The following VPS35L variants were observed in gnomAD, a reference collection of about 807,000 sequenced individuals.
The protein encoded by VPS35L is VPS35 endosomal protein sorting factor like.
In VPS35L, 83 loss-of-function variants were observed where a neutral mutation model predicts 133.0. That is an observed-to-expected ratio of 0.62 (90% CI 0.52 to 0.75). The LOEUF is 0.75. Among genes scored for constraint, VPS35L ranks in the 30% least tolerant of loss-of-function variants. VPS35L has a pLI of 0.00. For missense variants in VPS35L, 1,083 were observed against 1,206.8 expected, an observed-to-expected ratio of 0.90 and a Z score of 1.52; for synonymous variants, 423 against 449.9, an observed-to-expected ratio of 0.94 and a Z score of 0.76.
At chr16:19,600,452 T>C (rs761355470) in intron 8 of VPS35L, among the ~76,000 whole-genome samples, 2 of 152,178 alleles carry the variant, frequency 1.3e-5, no homozygotes, top group Admixed American at 1.3e-4. Flanking sequence ...TGTAGAGTTT[T>C]ATTGGAACGC....
intron 7 of VPS35L, among the ~76,000 whole-genome samples, chr16:19,584,890 G>A (rs1196771387): frequency 6.6e-6 from 1 of 151,974 alleles, no homozygotes; most frequent in Non-Finnish European, 1.5e-5. Flanking sequence ...TCATTTTCAT[G>A]TGGTTTTCAT....
intron 9 of VPS35L, among the ~76,000 whole-genome samples, chr16:19,602,340 A>G (rs1293465124): frequency 6.6e-6 from 1 of 152,090 alleles, no homozygotes; most frequent in East Asian, 1.9e-4. Context: ...CTATGAGGAA[A>G]CGTTCTCATC....
At chr16:19,559,716 A>AT (rs976723890) in intron 1 of VPS35L, among the ~76,000 whole-genome samples, 129 of 148,152 alleles carry the variant, frequency 8.7e-4, no homozygotes, top group African/African-American at 1.6e-3. Context: ...CACAAGCAGT[A>AT]TTTTTTTTTT....
At chr16:19,653,766 C>G (rs1397636344) in intron 26 of VPS35L, among the ~76,000 whole-genome samples, 1 of 152,218 alleles carries the variant, frequency 6.6e-6, no homozygotes, top group African/African-American at 2.4e-5. Flanking sequence ...GATCACTTCT[C>G]CATTCTTTGA....
At chr16:19,619,265 A>G (rs1973000076) in intron 14 of VPS35L, among the ~76,000 whole-genome samples, 1 of 152,136 alleles carries the variant, frequency 6.6e-6, no homozygotes, top group Admixed American at 6.6e-5. Flanking sequence ...TTCAACAAGT[A>G]TGCACTGCTT....
At chr16:19,615,369 G>GC (rs146640580) in intron 12 of VPS35L, among the ~76,000 whole-genome samples, 5,182 of 152,268 alleles carry the variant, frequency 0.034, 124 homozygotes, top group Non-Finnish European at 0.054. Flanking sequence ...AAGAAATCAG[G>GC]CTGGGCGTGG....
At chr16:19,587,806 T>G (rs2151524004) in intron 7 of VPS35L, among the ~76,000 whole-genome samples, 1 of 149,286 alleles carries the variant, frequency 6.7e-6, no homozygotes, top group South Asian at 2.1e-4. Context: ...TCTTTTTTTT[T>G]TTTTTTTTTT....
In VPS35L at chr16:19,565,010, C is replaced by G. The variant is rs941286148; in HGVS notation, c.117+60C>G. 4.6e-6 allele frequency: 6 copies of G among 1,308,396 alleles called. No individual in the cohort carries two copies. In the African/African-American group the frequency reaches 7.5e-5, roughly 16 times the overall value. The allele number at this position is 1,308,396 out of a possible 1,614,324, so 81.0% of individuals were successfully genotyped here. On this transcript the variant is annotated intron_variant, in intron 2 of 30. Transcript: ENST00000417362. ...CTTATCCCTTGAAATGAAAGACAATCTTCCTGAGTCTTTTCCGTTTTGCCA... is the reference window on the plus strand; with the variant it reads ...CTTATCCCTTGAAATGAAAGACAATGTTCCTGAGTCTTTTCCGTTTTGCCA...
In VPS35L at chr16:19,658,145, G is replaced by A. The variant is rs191283097; in HGVS notation, c.2221+6055G>A. The stretch of plus-strand genomic sequence containing the variant: ...TATAATAGTTAAATTATAACCTGCA[G>A]TTTCTTCCTCCTGTCAGTATTTTCT... On this transcript the variant is annotated intron_variant, in intron 26 of 30. Transcript: ENST00000417362. 2.3e-3 allele frequency among the ~76,000 whole-genome samples: 352 copies of A among 152,286 alleles called. 1 individual carries two copies. The highest frequency in any genetic ancestry group is 3.7e-3 in the Non-Finnish European group (253 of 68,036).
At chr16:19,692,642 C>T (rs1975735473) in intron 29 of VPS35L, among the ~76,000 whole-genome samples, 2 of 152,116 alleles carry the variant, frequency 1.3e-5, no homozygotes, top group Admixed American at 1.3e-4. Flanking sequence ...TAGCTCACTG[C>T]AACCTCCACC....
chr16:19,590,353 T>G (rs28549774), intron 7 of VPS35L, among the ~76,000 whole-genome samples: 3,903 of 152,292 alleles, frequency 0.026, 178 homozygotes, highest in African/African-American at 0.09. Context: ...TGGAATTGCA[T>G]ATTAAATAAT....
At chr16:19,588,451 G>A (rs768936884) in intron 7 of VPS35L, among the ~76,000 whole-genome samples, 5 of 150,314 alleles carry the variant, frequency 3.3e-5, no homozygotes, top group African/African-American at 7.3e-5. Flanking sequence ...CTTGCCCCCC[G>A]CAAAGTGCTG....
chr16:19,594,067 A>T (rs1972126604), intron 8 of VPS35L, among the ~76,000 whole-genome samples: 1 of 152,152 alleles, frequency 6.6e-6, no homozygotes, highest in Non-Finnish European at 1.5e-5. Flanking sequence ...TTCCCACAGA[A>T]GTTTCAGAAT....
At chr16:19,629,307 T>C (rs1298387585) in intron 17 of VPS35L, among the ~76,000 whole-genome samples, 2 of 152,202 alleles carry the variant, frequency 1.3e-5, no homozygotes, top group Non-Finnish European at 2.9e-5. Context: ...TCATTAGTTA[T>C]ACATTTTTCC....
intron 14 of VPS35L, among the ~76,000 whole-genome samples, chr16:19,622,648 C>T (rs1341457179): frequency 2.0e-5 from 3 of 152,092 alleles, no homozygotes; most frequent in East Asian, 1.9e-4. Context: ...TAAAGTTGCT[C>T]GTTAGGTAGG....
At chr16:19,631,018 A>G (rs1334609695) in intron 18 of VPS35L, among the ~76,000 whole-genome samples, 1 of 152,010 alleles carries the variant, frequency 6.6e-6, no homozygotes, top group Non-Finnish European at 1.5e-5. Context: ...CAAAACAAAA[A>G]TAATAATAAA....
intron 14 of VPS35L, among the ~76,000 whole-genome samples, chr16:19,620,434 A>C (rs1973039993): frequency 6.6e-6 from 1 of 152,154 alleles, no homozygotes. Context: ...CATTATAGTT[A>C]TGTAAATGGG....
At chr16:19,622,010 T>TA (rs1882763559) in intron 14 of VPS35L, among the ~76,000 whole-genome samples, 1 of 152,050 alleles carries the variant, frequency 6.6e-6, no homozygotes, top group South Asian at 2.1e-4. Flanking sequence ...GCATATGAGA[T>TA]ACAGTAAACC....
At chr16:19,595,759 G>C in intron 8 of VPS35L, among the ~76,000 whole-genome samples, 1 of 152,180 alleles carries the variant, frequency 6.6e-6, no homozygotes, top group East Asian at 1.9e-4. Context: ...TCCTTGTTGC[G>C]TCCCAGAAAA....
Sources: gnomAD v4.1 joint callset for allele counts (sites outside exome capture counted in the v4.1 genomes callset) on GRCh38, gnomAD v4.1.1 for gene constraint, MANE v1.5 for transcripts, NCBI Gene and HGNC (gene_info 2026-07-23, HGNC 2026-07-21) for gene names.